TNR: variants seen among roughly 807,000 people sequenced by gnomAD.
TNR encodes tenascin R.
A neutral mutation model predicts 150.4 loss-of-function variants in TNR; 45 were observed. The ratio of observed to expected loss-of-function variants is 0.30; its 90% CI spans 0.24 to 0.38. The LOEUF (loss-of-function observed/expected upper bound fraction) is 0.38, where lower values mean the gene tolerates loss of function less well. Ranked by LOEUF, TNR falls within the 10% of genes least tolerant of loss-of-function variation. The pLI, the probability that TNR is intolerant of heterozygous loss-of-function variation, is 1.00. For synonymous variants in TNR, 687 were observed against 678.4 expected, an observed-to-expected ratio of 1.01 and a Z score of -0.20; for missense variants, 1,544 against 1,759.1, an observed-to-expected ratio of 0.88 and a Z score of 2.19.
At position 175,549,608 on chromosome 1, in the gene TNR, G is replaced by A. The variant is rs754214334; in HGVS notation, c.-164-21239C>T. 2.7e-4 allele frequency among the ~76,000 whole-genome samples: 41 copies of A among 152,172 alleles called. 1 individual carries two copies. Among genetic ancestry groups the A allele is most frequent in the Non-Finnish European group, 2.4e-4 (16 of 68,040 alleles). On this transcript the variant is annotated intron_variant, in intron 1 of 22. Coordinates refer to ENST00000367674, the MANE Select transcript of TNR (RefSeq NM_003285.3). ...TTATAGAGGTGGGCCTGTCCTAATC[G>A]CATGAGAACTTTAAAAGCCTTACTT...
At chr1:175,668,430 C>T (rs527362031) in intron 1 of TNR, among the ~76,000 whole-genome samples, 2 of 152,240 alleles carry the variant, frequency 1.3e-5, no homozygotes, top group East Asian at 3.9e-4. Context: ...CCCATGCCTG[C>T]AATCTGGCAT....
In TNR at chr1:175,365,012, G is replaced by A. The variant is rs1203353556; in HGVS notation, c.2585C>T (p.Thr862Ile). ...TSEPIVGSITTGIDPPKDITI... is the reference protein window; with the variant it reads ...TSEPIVGSITIGIDPPKDITI... ...GCTGCCAAGTCCTCCAGCCTCACCT[G>A]TGGTGATGGAGCCCACAATGGGCTC... Residue 862 changes from threonine to isoleucine, a missense_variant and splice_region_variant, in exon 12 of 23, where the codon ACA becomes ATA. Around this residue, in one of 2 missense-constraint regions of TNR, gnomAD observed 1,254 missense variants for 1,329.4 expected, o/e 0.94. Coordinates refer to ENST00000367674, the MANE Select transcript of TNR (RefSeq NM_003285.3). The A allele has an allele frequency of 1.9e-6, 3 of 1,604,806 alleles. No homozygotes were observed. Among genetic ancestry groups the A allele is most frequent in the Non-Finnish European group, 2.6e-6 (3 of 1,172,790 alleles).
Position 175,517,373 on chromosome 1 carries a change from T to C in TNR, c.-64+10896A>G, listed in dbSNP as rs375563675. Reference sequence around the variant, plus strand: ...GGGGAAAAGTACACCCATGTGCAGATGGAGGAATAGGCAGGTGGAGGATGA... The same window carrying C: ...GGGGAAAAGTACACCCATGTGCAGACGGAGGAATAGGCAGGTGGAGGATGA... On this transcript the variant is annotated intron_variant, in intron 2 of 22. Coordinates refer to ENST00000367674, the MANE Select transcript of TNR (RefSeq NM_003285.3). Among the ~76,000 whole-genome samples the C allele has an allele frequency of 1.1e-4, 16 of 152,262 alleles. No homozygotes were observed. The East Asian group carries it at 2.5e-3, about 24-fold the overall frequency.
At chr1:175,401,976 G>A (rs1209517281) in intron 4 of TNR, among the ~76,000 whole-genome samples, 4 of 152,208 alleles carry the variant, frequency 2.6e-5, no homozygotes, top group Admixed American at 2.6e-4. Context: ...AAGAGGATGA[G>A]CTATAGTGAA....
rs554449720 is a variant in TNR, at chr1:175,464,169, C to A, written c.-63-57392G>T. 4.6e-5 allele frequency among the ~76,000 whole-genome samples: 7 copies of A among 152,300 alleles called. No homozygotes were observed. In the East Asian group the frequency reaches 1.3e-3, roughly 29 times the overall value. ...AGCCTTGAACTGAAAGGGGAATAAT[C>A]AAGGAAAAGAATTATTTGATAATAA... is the stretch of plus-strand genomic sequence containing the variant. On this transcript the variant is annotated intron_variant, in intron 2 of 22. Coordinates refer to ENST00000367674, the MANE Select transcript of TNR (RefSeq NM_003285.3).
At chr1:175,709,341 ACG>A (rs200504516) in intron 1 of TNR, among the ~76,000 whole-genome samples, 3 of 151,644 alleles carry the variant, frequency 2.0e-5, no homozygotes, top group East Asian at 3.9e-4. Context: ...ACACACACAC[ACG>A]CACTTCCAAC....
intron 8 of TNR, among the ~76,000 whole-genome samples, chr1:175,385,136 G>A (rs1306379875): frequency 1.3e-5 from 2 of 152,176 alleles, no homozygotes; most frequent in African/African-American, 2.4e-5. Context: ...GATATTATTT[G>A]ACATGTGACC....
intron 10 of TNR, 96 bp downstream of exon 10, chr1:175,367,112 A>G: frequency 9.3e-7 from 1 of 1,075,748 alleles, no homozygotes; most frequent in Non-Finnish European, 1.4e-6. Context: ...ACTGGAAGAC[A>G]TTGCTTTCTG....
chr1:175,425,117 T>TA (rs111520502), intron 2 of TNR, among the ~76,000 whole-genome samples: 1,578 of 152,284 alleles, frequency 0.01, 25 homozygotes, highest in African/African-American at 0.032. Flanking sequence ...GAAGACCTTA[T>TA]ATTAAGAATA....
At chr1:175,620,083 T>A (rs938096659) in intron 1 of TNR, among the ~76,000 whole-genome samples, 2 of 152,230 alleles carry the variant, frequency 1.3e-5, no homozygotes, top group East Asian at 1.9e-4. Context: ...GATGCAGTCA[T>A]CTCTGTTAAT....
At chr1:175,448,255 T>C (rs1289760654) in intron 2 of TNR, among the ~76,000 whole-genome samples, 2 of 152,136 alleles carry the variant, frequency 1.3e-5, no homozygotes, top group Admixed American at 6.5e-5. Context: ...TCTTGCTCTG[T>C]CACCCAGGCT....
chr1:175,559,252 G>T (rs1480459308), intron 1 of TNR, among the ~76,000 whole-genome samples: 3 of 152,164 alleles, frequency 2.0e-5, no homozygotes, highest in Admixed American at 1.3e-4. Context: ...CACTGTGAAT[G>T]TACTAAATAG....
chr1:175,374,508 A>C (rs922203262), intron 9 of TNR, among the ~76,000 whole-genome samples: 2 of 151,900 alleles, frequency 1.3e-5, no homozygotes, highest in East Asian at 3.9e-4. Context: ...ATATGTGCTT[A>C]AGTGTAAGTG....
intron 1 of TNR, among the ~76,000 whole-genome samples, chr1:175,643,997 A>C (rs141778292): frequency 3.9e-4 from 60 of 152,370 alleles, no homozygotes; most frequent in Admixed American, 9.1e-4. Flanking sequence ...GTAAATTACT[A>C]AACACCCTCT....
At chr1:175,458,655 A>G (rs1250174381) in intron 2 of TNR, among the ~76,000 whole-genome samples, 2 of 152,214 alleles carry the variant, frequency 1.3e-5, no homozygotes, top group African/African-American at 4.8e-5. Context: ...AGTCTCCCTC[A>G]CAAATGGAAC....
chr1:175,530,147 T>C (rs1251786265), intron 1 of TNR, among the ~76,000 whole-genome samples: 1 of 152,218 alleles, frequency 6.6e-6, no homozygotes, highest in Non-Finnish European at 1.5e-5. Flanking sequence ...TTTAATACAC[T>C]GGTAAGTATC....
intron 1 of TNR, among the ~76,000 whole-genome samples, chr1:175,537,782 C>T (rs1456729821): frequency 6.6e-6 from 1 of 152,156 alleles, no homozygotes; most frequent in Non-Finnish European, 1.5e-5. Context: ...GCACAGATAG[C>T]ACCTAAGTCC....
chr1:175,490,527 G>C (rs1013716295), intron 2 of TNR, among the ~76,000 whole-genome samples: 1 of 152,008 alleles, frequency 6.6e-6, no homozygotes, highest in Non-Finnish European at 1.5e-5. Flanking sequence ...AAATTTACAA[G>C]AAAAAACCAA....
chr1:175,521,280 C>T (rs1244914813), intron 2 of TNR, among the ~76,000 whole-genome samples: 1 of 152,208 alleles, frequency 6.6e-6, no homozygotes, highest in South Asian at 2.1e-4. Flanking sequence ...GAAGCCATCT[C>T]ATTTGTTGTG....
Sources: allele counts gnomAD v4.1 joint callset (sites outside exome capture counted in the v4.1 genomes callset), GRCh38; gene constraint gnomAD v4.1.1; regional missense constraint gnomAD v4.1.1; transcripts MANE v1.5; gene names NCBI Gene and HGNC (gene_info 2026-07-23, HGNC 2026-07-21).